The following TAF1D variants were observed in gnomAD, a reference collection of about 807,000 sequenced individuals.
TAF1D encodes TATA box-binding protein-associated factor RNA polymerase I subunit D.
In TAF1D, 23 loss-of-function variants were observed where a neutral mutation model predicts 26.2. The ratio of observed to expected loss-of-function variants is 0.88; its 90% CI spans 0.63 to 1.25. The LOEUF (loss-of-function observed/expected upper bound fraction) is 1.25. TAF1D is among the 50% of genes most tolerant of loss of function. The pLI, the probability that TAF1D is intolerant of heterozygous loss-of-function variation, is 0.00. For missense variants in TAF1D, 299 were observed against 322.0 expected (o/e 0.93, Z 0.55); for synonymous variants, 100 against 105.6 (o/e 0.95, Z 0.33).
Position 93,738,206 on chromosome 11 carries a change from TC to T in TAF1D, c.361del (p.Asp121IlefsTer16), listed in dbSNP as rs1941180272. The T allele has an allele frequency of 6.2e-7, 1 of 1,604,348 alleles. No individual in the cohort carries two copies. The highest frequency in any genetic ancestry group is 1.3e-5 in the African/African-American group (1 of 74,300). On this transcript the variant is annotated frameshift_variant, in exon 3 of 6. Coordinates refer to ENST00000448108, the MANE Select transcript of TAF1D (RefSeq NM_024116.4). LOFTEE classifies it high-confidence loss of function. The part of the protein sequence containing the change: ...GRRNPIYSLI[D>X]KKKQFRSRGS... ...TCTGCTTCTAAATTGTTTCTTCTTA[TC>T]TATTAGTGAGTATATAGGATTTCTC...
exon 12 of TAF1D, chr11:93,730,389 C>G: frequency 1.2e-6 from 1 of 865,742 alleles, no homozygotes; most frequent in South Asian, 1.4e-5. Flanking sequence ...CACTGTCCAT[C>G]AAGGTCACTT....
chr11:93,733,274 T>C, downstream of TAF1D: 1 of 519,206 alleles, frequency 1.9e-6, no homozygotes, highest in Admixed American at 1.9e-5. Context: ...CATTCAGCAG[T>C]TGAACAGTTA....
At chr11:93,733,567 C>T (rs1021910333), downstream of TAF1D, 3 of 518,682 alleles carry the variant, frequency 5.8e-6, no homozygotes, top group African/African-American at 5.8e-5. Context: ...GTGCAGGCTA[C>T]AGGAAAAGCC....
chr11:93,732,897 A>G (rs1057428308), downstream of TAF1D: 7 of 235,856 alleles, frequency 3.0e-5, no homozygotes, highest in African/African-American at 1.6e-4. Context: ...TGCAAAGAAC[A>G]CAGGTAGTTT....
At chr11:93,735,422 C>A (rs1217506506), downstream of TAF1D, 5 of 751,190 alleles carry the variant, frequency 6.7e-6, no homozygotes, top group Non-Finnish European at 8.3e-6. Context: ...ATGGCTCACA[C>A]CTATAATCCC....
At chr11:93,735,033 C>G (rs1940408131), downstream of TAF1D, 1 of 1,268,378 alleles carries the variant, frequency 7.9e-7, no homozygotes, top group Non-Finnish European at 1.0e-6. Flanking sequence ...GGATTGCAGG[C>G]TTGACCCATT....
At chr11:93,736,557 C>T in intron 5 of TAF1D, 137 bp downstream of exon 5, 1 of 1,423,292 alleles carries the variant, frequency 7.0e-7, no homozygotes, top group African/African-American at 1.5e-5. Flanking sequence ...TATTTTCCTT[C>T]TTGCATTTCC....
chr11:93,730,716 CATAACA>C (rs1199197658), downstream of TAF1D: 1 of 506,240 alleles, frequency 2.0e-6, no homozygotes, highest in Non-Finnish European at 3.9e-6. Flanking sequence ...GTCAGCCCTA[CATAACA>C]ATAGTATAAA....
At chr11:93,732,231 CAG>C (rs1050729401), downstream of TAF1D, 8 of 478,018 alleles carry the variant, frequency 1.7e-5, no homozygotes, top group Admixed American at 1.5e-4. Context: ...TCAATAGAAA[CAG>C]AGAATCTTAC....
Position 93,739,312 on chromosome 11 carries a change from T to C in TAF1D, c.-8A>G, listed in dbSNP as rs773553741. ...TATTCCTGATTTATCCATCAATTGCTCTTTGTTTTAAACAGTTTTCTGAAA... is the reference window on the plus strand; with the variant it reads ...TATTCCTGATTTATCCATCAATTGCCCTTTGTTTTAAACAGTTTTCTGAAA... On this transcript the variant is annotated 5_prime_UTR_variant, in exon 2 of 6. Coordinates refer to ENST00000448108, the MANE Select transcript of TAF1D (RefSeq NM_024116.4). 9.2e-5 allele frequency: 148 copies of C among 1,602,506 alleles called. 2 individuals are homozygous for C. The East Asian group carries it at 3.2e-3, about 35-fold the overall frequency.
intron 1 of TAF1D, 22 bp from the exon 2 acceptor site, chr11:93,739,353 AAT>A (rs1421261222): frequency 1.3e-6 from 2 of 1,536,246 alleles, no homozygotes; most frequent in African/African-American, 1.4e-5. Flanking sequence ...AAATTTAGTA[AAT>A]ATGACAAAGC....
At chr11:93,731,770 TA>T, downstream of TAF1D, 1 of 351,216 alleles carries the variant, frequency 2.8e-6, no homozygotes, top group South Asian at 2.2e-5. Flanking sequence ...CTTTGGGATC[TA>T]ATTTCTTCAA....
chr11:93,735,144 T>C (rs778238781), downstream of TAF1D: 20 of 1,351,176 alleles, frequency 1.5e-5, no homozygotes, highest in South Asian at 2.2e-4. Context: ...AAACTCATAC[T>C]GAACAATGAG....
intron 5 of TAF1D, 132 bp from the exon 6 acceptor site, chr11:93,736,436 C>T (rs1470965261): frequency 7.0e-6 from 10 of 1,423,092 alleles, no homozygotes; most frequent in Non-Finnish European, 9.1e-6. Flanking sequence ...TCCAAATTAA[C>T]ATTGCTTATT....
chr11:93,741,185 C>G (rs892665055), intron 1 of TAF1D, 137 bp downstream of exon 1: 20 of 383,884 alleles, frequency 5.2e-5, no homozygotes, highest in African/African-American at 3.1e-4. Flanking sequence ...GGCCTGCGGC[C>G]GTGATCCCTT....
chr11:93,736,829 A>G (rs1395079213), intron 4 of TAF1D, 78 bp from the exon 5 acceptor site: 2 of 1,449,614 alleles, frequency 1.4e-6, no homozygotes, highest in African/African-American at 2.9e-5. Flanking sequence ...TCTGAAATAT[A>G]ACTGAAACTG....
chr11:93,739,453 A>G (rs1941358606), intron 1 of TAF1D, 122 bp from the exon 2 acceptor site: 1 of 590,928 alleles, frequency 1.7e-6, no homozygotes, highest in Non-Finnish European at 2.9e-6. Context: ...ACCAAGGTTA[A>G]GCTTCTTATC....
chr11:93,740,095 G>GC (rs1387021785), intron 1 of TAF1D, among the ~76,000 whole-genome samples: 1 of 151,724 alleles, frequency 6.6e-6, no homozygotes, highest in Non-Finnish European at 1.5e-5. Context: ...GATCGCTTGA[G>GC]CCCAGGAGCT....
downstream of TAF1D, chr11:93,732,207 G>A (rs1054030825): frequency 1.4e-5 from 7 of 489,692 alleles, no homozygotes; most frequent in Non-Finnish European, 2.9e-5. Flanking sequence ...ACTGATAGAG[G>A]GAAACAAGCA....
Sources: allele counts gnomAD v4.1 joint callset (sites outside exome capture counted in the v4.1 genomes callset), GRCh38; gene constraint gnomAD v4.1.1; transcripts MANE v1.5; gene names NCBI Gene and HGNC (gene_info 2026-07-23, HGNC 2026-07-21).